Variants in GPC5 observed in about 807,000 individuals in gnomAD.
The protein encoded by GPC5 is glypican 5.
Under a neutral mutation model 53.9 loss-of-function variants are expected in GPC5, and 47 were observed. The observed-to-expected ratio is 0.87, with a 90% CI of 0.69 to 1.11. The LOEUF (loss-of-function observed/expected upper bound fraction) is 1.11. Among genes scored for constraint, GPC5 ranks in the 50% most tolerant of loss-of-function variants. The pLI, the probability that GPC5 is intolerant of heterozygous loss-of-function variation, is 0.00. For synonymous variants in GPC5, 286 were observed against 263.3 expected (o/e 1.09, Z -0.84); for missense variants, 748 against 713.1 (o/e 1.05, Z -0.56).
chr13:91,589,205 A>G (rs530521054), intron 2 of GPC5, among the ~76,000 whole-genome samples: 1 of 152,204 alleles, frequency 6.6e-6, no homozygotes, highest in East Asian at 1.9e-4. Context: ...TTATGATAAC[A>G]CTTTTCTAAT....
intron 7 of GPC5, among the ~76,000 whole-genome samples, chr13:92,468,647 G>A (rs1044076727): frequency 9.2e-5 from 14 of 152,072 alleles, no homozygotes; most frequent in Admixed American, 5.2e-4. Context: ...TTTATATCAC[G>A]TTTTTGCATA....
At chr13:91,670,193 G>T (rs2035212272) in intron 2 of GPC5, among the ~76,000 whole-genome samples, 2 of 152,094 alleles carry the variant, frequency 1.3e-5, no homozygotes, top group Non-Finnish European at 2.9e-5. Flanking sequence ...TAAATGCCAG[G>T]ATACAATTTT....
chr13:91,589,040 A>G (rs540403091), intron 2 of GPC5, among the ~76,000 whole-genome samples: 5 of 152,222 alleles, frequency 3.3e-5, no homozygotes, highest in Admixed American at 3.3e-4. Context: ...CACCAATCTG[A>G]CTTCTACATC....
intron 6 of GPC5, among the ~76,000 whole-genome samples, chr13:92,066,506 C>T (rs936792648): frequency 1.3e-5 from 2 of 151,258 alleles, no homozygotes; most frequent in Admixed American, 1.3e-4. Context: ...GTTCCAATGG[C>T]AATTAACTTT....
At chr13:92,543,368 G>A (rs1031720302) in intron 7 of GPC5, among the ~76,000 whole-genome samples, 2 of 151,808 alleles carry the variant, frequency 1.3e-5, no homozygotes, top group Admixed American at 6.6e-5. Context: ...TGATTTTGTT[G>A]AATTGTCTCT....
chr13:92,318,203 G>C (rs1253436474), intron 7 of GPC5, among the ~76,000 whole-genome samples: 2 of 152,148 alleles, frequency 1.3e-5, no homozygotes, highest in African/African-American at 4.8e-5. Context: ...CGATATGACT[G>C]TGAATCAGTT....
chr13:92,784,637 G>A (rs1222730409), intron 7 of GPC5, among the ~76,000 whole-genome samples: 1 of 152,120 alleles, frequency 6.6e-6, no homozygotes, highest in Non-Finnish European at 1.5e-5. Flanking sequence ...TTTAGCAAAT[G>A]TCAGGTCATT....
intron 5 of GPC5, among the ~76,000 whole-genome samples, chr13:91,850,611 C>T (rs577740215): frequency 1.3e-5 from 2 of 152,042 alleles, no homozygotes; most frequent in African/African-American, 2.4e-5. Flanking sequence ...TCATGAAGAA[C>T]TTCAAATATT....
chr13:91,768,793 CAT>C (rs34024438), intron 5 of GPC5, among the ~76,000 whole-genome samples: 47,691 of 151,872 alleles, frequency 0.31, 9,049 homozygotes, highest in East Asian at 0.64. Context: ...TTTACTAAAA[CAT>C]GTGTGGTACA....
chr13:91,771,769 A>G (rs562182321), intron 5 of GPC5, among the ~76,000 whole-genome samples: 14 of 152,344 alleles, frequency 9.2e-5, no homozygotes, highest in Non-Finnish European at 1.6e-4. Flanking sequence ...TAAAAATGTT[A>G]TAATAGAATC....
intron 7 of GPC5, among the ~76,000 whole-genome samples, chr13:92,830,065 T>C (rs536153135): frequency 1.4e-4 from 21 of 152,236 alleles, no homozygotes; most frequent in African/African-American, 4.8e-4. Flanking sequence ...ACTGAGACTT[T>C]CATGACCTCA....
chr13:92,339,303 T>C (rs1193864048), intron 7 of GPC5, among the ~76,000 whole-genome samples: 1 of 151,984 alleles, frequency 6.6e-6, no homozygotes, highest in African/African-American at 2.4e-5. Context: ...TTTTATTATG[T>C]CGTGATGTGT....
chr13:92,634,481 A>G (rs186149275), intron 7 of GPC5, among the ~76,000 whole-genome samples: 41 of 152,128 alleles, frequency 2.7e-4, no homozygotes, highest in Admixed American at 5.9e-4. Context: ...CCTTAGGTGG[A>G]GAGAGTTTTC....
intron 2 of GPC5, among the ~76,000 whole-genome samples, chr13:91,616,706 A>G (rs1164286249): frequency 6.6e-6 from 1 of 152,162 alleles, no homozygotes; most frequent in Admixed American, 6.5e-5. Flanking sequence ...AAAAGATCAT[A>G]TATTTAATTG....
chr13:92,640,230 C>T (rs1885547130), intron 7 of GPC5, among the ~76,000 whole-genome samples: 2 of 151,816 alleles, frequency 1.3e-5, no homozygotes. Context: ...TACCTTAAGA[C>T]CCATAAGTGA....
chr13:92,305,412 T>G (rs992613122), intron 7 of GPC5, among the ~76,000 whole-genome samples: 1 of 152,218 alleles, frequency 6.6e-6, no homozygotes, highest in Non-Finnish European at 1.5e-5. Flanking sequence ...CTGTGTGTTA[T>G]AGTATACACT....
At chr13:92,571,907 T>C (rs1178788768) in intron 7 of GPC5, among the ~76,000 whole-genome samples, 1 of 152,000 alleles carries the variant, frequency 6.6e-6, no homozygotes, top group Non-Finnish European at 1.5e-5. Flanking sequence ...AGTTTGGTGG[T>C]GCCTGTGGTC....
chr13:92,104,579 C>CA (rs891499494), intron 6 of GPC5, among the ~76,000 whole-genome samples: 7 of 152,088 alleles, frequency 4.6e-5, no homozygotes, highest in African/African-American at 1.7e-4. Flanking sequence ...GACATTGTTA[C>CA]AAGTTACTTT....
At chr13:92,201,009 A>G (rs943903501) in intron 7 of GPC5, among the ~76,000 whole-genome samples, 81 of 149,308 alleles carry the variant, frequency 5.4e-4, no homozygotes, top group South Asian at 1.3e-3. Flanking sequence ...ACACACACAC[A>G]CGCACACACA....
Sources: gnomAD v4.1 joint callset for allele counts (sites outside exome capture counted in the v4.1 genomes callset) on GRCh38, gnomAD v4.1.1 for gene constraint, MANE v1.5 for transcripts, NCBI Gene and HGNC (gene_info 2026-07-23, HGNC 2026-07-21) for gene names.